The following GABRR2 variants were observed in gnomAD, a reference collection of about 807,000 sequenced individuals.
GABRR2 encodes gamma-aminobutyric acid type A receptor subunit rho2.
A neutral mutation model predicts 47.0 loss-of-function variants in GABRR2; 36 were observed. The observed-to-expected ratio is 0.77, with a 90% confidence interval of 0.59 to 1.01. GABRR2 has a LOEUF of 1.01. Among genes scored for constraint, GABRR2 ranks in the 50% least tolerant of loss-of-function variants. GABRR2 has a pLI of 0.00. For missense variants in GABRR2, 587 were observed against 594.6 expected (o/e 0.99, Z 0.13); for synonymous variants, 204 against 227.5 (o/e 0.90, Z 0.93).
chr6:89,258,107 A>G, intron 8 of GABRR2, 126 bp from the exon 9 acceptor site: 1 of 912,374 alleles, frequency 1.1e-6, no homozygotes, highest in Non-Finnish European at 1.6e-6. Context: ...AAAGATCTCC[A>G]GAGGTTACTT....
At chr6:89,262,028 CAA>C (rs35450080) in intron 8 of GABRR2, among the ~76,000 whole-genome samples, 180 of 130,368 alleles carry the variant, frequency 1.4e-3, no homozygotes, top group Middle Eastern at 4.1e-3. Context: ...GACCCTGTCT[CAA>C]AAAAAAAAAA....
intron 2 of GABRR2, among the ~76,000 whole-genome samples, chr6:89,276,310 T>C (rs9353661): frequency 0.59 from 89,941 of 151,378 alleles, 26,759 homozygotes; most frequent in East Asian, 0.71. Flanking sequence ...AAGTTTACTA[T>C]GTGCAAATAG....
chr6:89,284,833 A>G (rs1774306921), intron 2 of GABRR2, among the ~76,000 whole-genome samples: 1 of 152,222 alleles, frequency 6.6e-6, no homozygotes, highest in African/African-American at 2.4e-5. Flanking sequence ...AAGTAATACA[A>G]TGTTTTACCT....
rs1774495407 is a variant in GABRR2, at chr6:89,292,857, A to ATCG, written c.220+6901_220+6902insCGA. Among the ~76,000 whole-genome samples the ATCG allele has an allele frequency of 1.4e-5, 2 of 142,536 alleles. 1 individual carries two copies. The highest frequency in any genetic ancestry group is 5.4e-5 in the African/African-American group (2 of 37,366). 93.5% of individuals were successfully genotyped at this position (142,536 alleles called of 152,430 possible). A position where few individuals can be genotyped will look rare whatever the true frequency, so the allele number is the denominator to read the frequency against. On this transcript the variant is annotated intron_variant, in intron 2 of 8. Transcript: ENST00000402938. ...ATATACGATATATCGTATATATCAT[A>ATCG]TATTATATATCTATATATCATATAT...
At chr6:89,307,078 A>T (rs1272980765) in intron 1 of GABRR2, among the ~76,000 whole-genome samples, 1 of 152,256 alleles carries the variant, frequency 6.6e-6, no homozygotes, top group Non-Finnish European at 1.5e-5. Context: ...ACATGACCAC[A>T]CAAACAACTT....
At chr6:89,264,307 T>G in intron 8 of GABRR2, 105 bp downstream of exon 8, 1 of 1,300,782 alleles carries the variant, frequency 7.7e-7, no homozygotes, top group Non-Finnish European at 1.0e-6. Flanking sequence ...TGCACAAACA[T>G]CTCCTTTTTC....
Position 89,264,412 on chromosome 6 carries a change from C to T in GABRR2, c.1086G>A (p.Lys362=). 4 of 1,612,862 alleles carry T rather than the reference C, an allele frequency of 2.5e-6. No homozygotes were observed. The highest frequency in any genetic ancestry group is 3.4e-6 in the Non-Finnish European group (4 of 1,179,362). The stretch of plus-strand genomic sequence containing the variant: ...ACAAGGGCCGAAGAAGCCCTCTCAC[C>T]TTCTCCCGCAGCTTCCGTTCCTTGC... The part of the protein sequence containing the change: ...QERKERKLRE[K]FPCMCGMLHS... Residue 362 remains lysine (K), a splice_region_variant and synonymous_variant, in exon 8 of 9, where the codon AAG becomes AAA. Transcript: ENST00000402938.
chr6:89,263,336 T>G (rs1037281885), intron 8 of GABRR2, among the ~76,000 whole-genome samples: 4 of 152,230 alleles, frequency 2.6e-5, no homozygotes, highest in Non-Finnish European at 4.4e-5. Context: ...ATTAATCGAC[T>G]GTTTATCTTA....
rs773734376 is a variant in GABRR2, at chr6:89,269,231, A to C, written c.292T>G (p.Phe98Val). 6.2e-7 allele frequency: 1 copy of C among 1,613,624 alleles called. No individual in the cohort carries two copies. Among genetic ancestry groups the C allele is most frequent in the African/African-American group, 1.3e-5 (1 of 74,916 alleles). Residue 98 changes from phenylalanine (F) to valine (V), a missense_variant, in exon 4 of 9, where the codon TTC becomes GTC. Transcript: ENST00000402938. ...TGCCGCAGGTACAGGGTCATAGTGA[A>C]GTCCTGTGGGAGCCGGGGTGAGACC... is the stretch of plus-strand genomic sequence containing the variant. ...LDSISEVDMD[F>V]TMTLYLRHYW...
chr6:89,308,262 CATA>C (rs1379063789), intron 1 of GABRR2, among the ~76,000 whole-genome samples: 1 of 152,146 alleles, frequency 6.6e-6, no homozygotes, highest in Non-Finnish European at 1.5e-5. Flanking sequence ...GCCCAGATGG[CATA>C]ATTCAATGGG....
intron 2 of GABRR2, among the ~76,000 whole-genome samples, 167 bp downstream of exon 2, chr6:89,299,592 T>C (rs1570932): frequency 0.59 from 90,144 of 151,896 alleles, 27,440 homozygotes; most frequent in Admixed American, 0.7. Flanking sequence ...TACTTCCTGC[T>C]CTTTTCTCCT....
In GABRR2 at chr6:89,255,411, T is replaced by C. The variant is rs992111251; in HGVS notation, c.*2259A>G. Among the ~76,000 whole-genome samples the C allele has an allele frequency of 1.7e-4, 26 of 152,326 alleles. No individual in the cohort carries two copies. Among genetic ancestry groups the C allele is most frequent in the African/African-American group, 6.0e-4 (25 of 41,574 alleles). On this transcript the variant is annotated 3_prime_UTR_variant, in exon 9 of 9. Transcript: ENST00000402938. Reference sequence around the variant, plus strand: ...AAGATCAAGCCATTGCACTCCAGCCTGAGCAACAAGAGTGAAACTCTGTCT... The same window carrying C: ...AAGATCAAGCCATTGCACTCCAGCCCGAGCAACAAGAGTGAAACTCTGTCT...
At chr6:89,302,860 C>A in intron 1 of GABRR2, 1 of 1,303,130 alleles carries the variant, frequency 7.7e-7, no homozygotes, top group Non-Finnish European at 1.1e-6. Context: ...ATGTCTTCCA[C>A]CCTCATCAGC....
chr6:89,292,882 T>G (rs915071004), intron 2 of GABRR2, among the ~76,000 whole-genome samples: 1 of 142,064 alleles, frequency 7.0e-6, no homozygotes, highest in Non-Finnish European at 1.5e-5. Flanking sequence ...ATATCATATA[T>G]AGAGAGAAAT....
intron 1 of GABRR2, among the ~76,000 whole-genome samples, chr6:89,314,447 T>A (rs1767729932): frequency 6.6e-6 from 1 of 152,240 alleles, no homozygotes; most frequent in Admixed American, 6.5e-5. Flanking sequence ...CCTGGGCTAT[T>A]ATTTCTTGGG....
intron 2 of GABRR2, among the ~76,000 whole-genome samples, chr6:89,297,904 C>T (rs1321877576): frequency 6.6e-6 from 1 of 152,176 alleles, no homozygotes; most frequent in Non-Finnish European, 1.5e-5. Flanking sequence ...ATTGTGTTTC[C>T]TAGCCACTGT....
In GABRR2 at chr6:89,315,270, CTCTGAGGGGCTGT is replaced by C. The variant is rs779351026; in HGVS notation, c.-118_-106del. On this transcript the variant is annotated 5_prime_UTR_variant, in exon 1 of 9. Coordinates refer to ENST00000402938, the MANE Select transcript of GABRR2 (RefSeq NM_002043.5). ...CCATCTGCTGCCTCCTGACGGGCTG[CTCTGAGGGGCTGT>C]GAGGGCAAGGCTGGCCAGGCTAGTT... The C allele has an allele frequency of 6.3e-7, 1 of 1,583,876 alleles. No homozygotes were observed. Among genetic ancestry groups the C allele is most frequent in the East Asian group, 2.3e-5 (1 of 43,946 alleles).
chr6:89,260,819 T>C (rs562603161), intron 8 of GABRR2, among the ~76,000 whole-genome samples: 36 of 152,368 alleles, frequency 2.4e-4, no homozygotes, highest in African/African-American at 5.3e-4. Context: ...AGGTACTCCA[T>C]GGCATCCACT....
intron 1 of GABRR2, chr6:89,301,950 T>C: frequency 1.1e-6 from 1 of 938,196 alleles, no homozygotes; most frequent in South Asian, 1.3e-5. Flanking sequence ...AGGCCTCTTC[T>C]CATAAGTATG....
Sources: gnomAD v4.1 joint callset for allele counts (sites outside exome capture counted in the v4.1 genomes callset) on GRCh38, gnomAD v4.1.1 for gene constraint, MANE v1.5 for transcripts, NCBI Gene and HGNC (gene_info 2026-07-23, HGNC 2026-07-21) for gene names.